Variants in JAZF1 observed in about 807,000 individuals in gnomAD.
JAZF1 encodes juxtaposed with another zinc finger protein 1.
In JAZF1, 8 loss-of-function variants were observed where a neutral mutation model predicts 26.4. The observed-to-expected ratio is 0.30, with a 90% confidence interval of 0.18 to 0.55. The LOEUF (loss-of-function observed/expected upper bound fraction) is 0.55, where lower values mean the gene tolerates loss of function less well. JAZF1 is among the 20% of genes least tolerant of loss of function. JAZF1 has a pLI of 0.94. For synonymous variants in JAZF1, 126 were observed against 122.3 expected (o/e 1.03, Z -0.20); for missense variants, 199 against 322.0 (o/e 0.62, Z 2.92).
Position 28,004,412 on chromosome 7 carries a change from A to C in JAZF1, c.116-12431T>G, listed in dbSNP as rs536553419. ...TCACCTGGGTAACTTAAAAAAAAAAAAAGTCTGATGCCAAGGACCCATCCC... is the reference window on the plus strand; with the variant it reads ...TCACCTGGGTAACTTAAAAAAAAAACAAGTCTGATGCCAAGGACCCATCCC... On this transcript the variant is annotated intron_variant, in intron 1 of 4. Transcript: ENST00000283928. Among the ~76,000 whole-genome samples the C allele has an allele frequency of 2.0e-5, 3 of 152,224 alleles. No individual in the cohort carries two copies. In the South Asian group the frequency reaches 6.2e-4, roughly 32 times the overall value.
rs1316032368 is a variant in JAZF1, at chr7:27,987,136, C to A, written c.188+4773G>T. Among the ~76,000 whole-genome samples, 7 of 151,684 alleles carry A rather than the reference C, an allele frequency of 4.6e-5. No homozygotes were observed. The East Asian group carries it at 1.2e-3, about 26-fold the overall frequency. On this transcript the variant is annotated intron_variant, in intron 2 of 4. Transcript: ENST00000283928. ...CACCCATCGTCTGGGATGTGAGGAGCCCCTCTGCCTGGCCGCCCAGTCTGG... is the reference window on the plus strand; with the variant it reads ...CACCCATCGTCTGGGATGTGAGGAGACCCTCTGCCTGGCCGCCCAGTCTGG...
At chr7:27,893,556 C>T (rs1171620527) in intron 3 of JAZF1, among the ~76,000 whole-genome samples, 1 of 152,186 alleles carries the variant, frequency 6.6e-6, no homozygotes, top group Non-Finnish European at 1.5e-5. Context: ...CATTGCTCCC[C>T]CTTTCCTCTT....
chr7:27,893,459 T>C (rs1204528433), intron 3 of JAZF1, among the ~76,000 whole-genome samples: 2 of 152,200 alleles, frequency 1.3e-5, no homozygotes, highest in African/African-American at 4.8e-5. Context: ...AGTCTCATCT[T>C]ACACTCGGGC....
intron 3 of JAZF1, among the ~76,000 whole-genome samples, chr7:27,856,075 C>T (rs1254142428): frequency 6.6e-6 from 1 of 152,198 alleles, no homozygotes; most frequent in Non-Finnish European, 1.5e-5. Context: ...GGTTCTTGGT[C>T]TCACTGACTT....
At chr7:28,166,536 T>C (rs1397779021) in intron 1 of JAZF1, among the ~76,000 whole-genome samples, 2 of 152,208 alleles carry the variant, frequency 1.3e-5, no homozygotes, top group African/African-American at 4.8e-5. Flanking sequence ...AAACCACACA[T>C]ATAAAATCAT....
chr7:27,979,861 A>G (rs1785547205), intron 2 of JAZF1, among the ~76,000 whole-genome samples: 1 of 152,106 alleles, frequency 6.6e-6, no homozygotes, highest in Non-Finnish European at 1.5e-5. Context: ...CTGTTATGCT[A>G]GGGTTTGCCT....
intron 2 of JAZF1, among the ~76,000 whole-genome samples, chr7:27,917,628 G>C (rs1784462979): frequency 6.6e-6 from 1 of 152,164 alleles, no homozygotes; most frequent in African/African-American, 2.4e-5. Context: ...AGGCAATGGA[G>C]CTCTTCTACA....
chr7:28,035,572 C>A (rs1484808891), intron 1 of JAZF1, among the ~76,000 whole-genome samples: 1 of 152,014 alleles, frequency 6.6e-6, no homozygotes, highest in African/African-American at 2.4e-5. Flanking sequence ...GCCCTTTCTC[C>A]TAATGGATGA....
chr7:27,981,678 GT>G (rs1258135436), intron 2 of JAZF1, among the ~76,000 whole-genome samples: 1 of 152,084 alleles, frequency 6.6e-6, no homozygotes, highest in Non-Finnish European at 1.5e-5. Context: ...GTTTTAATTT[GT>G]TTTTACATTT....
At chr7:28,118,540 T>C (rs973766346) in intron 1 of JAZF1, among the ~76,000 whole-genome samples, 2 of 152,104 alleles carry the variant, frequency 1.3e-5, no homozygotes, top group African/African-American at 4.8e-5. Context: ...GGATCTAACG[T>C]TCCCAATTAT....
intron 1 of JAZF1, among the ~76,000 whole-genome samples, chr7:28,139,839 T>A (rs781653944): frequency 3.3e-5 from 5 of 152,182 alleles, no homozygotes; most frequent in African/African-American, 4.8e-5. Flanking sequence ...GACATCTATA[T>A]CCTGCCCTTA....
intron 1 of JAZF1, among the ~76,000 whole-genome samples, chr7:28,085,741 T>C (rs541300404): frequency 6.7e-4 from 102 of 152,222 alleles, no homozygotes; most frequent in Non-Finnish European, 9.3e-4. Context: ...ATTGACAGAT[T>C]CTAAGTTTGA....
chr7:27,971,387 G>T (rs1232063223), intron 2 of JAZF1, among the ~76,000 whole-genome samples: 1 of 152,184 alleles, frequency 6.6e-6, no homozygotes, highest in Admixed American at 6.5e-5. Flanking sequence ...GAGCCAACGG[G>T]CAAGGTCTTG....
At chr7:28,150,687 G>A (rs371364532) in intron 1 of JAZF1, among the ~76,000 whole-genome samples, 5 of 152,186 alleles carry the variant, frequency 3.3e-5, no homozygotes, top group African/African-American at 9.6e-5. Flanking sequence ...AGCCTCACAC[G>A]GGGGAGACAT....
At chr7:27,929,756 T>C (rs1784656060) in intron 2 of JAZF1, among the ~76,000 whole-genome samples, 1 of 152,136 alleles carries the variant, frequency 6.6e-6, no homozygotes, top group East Asian at 1.9e-4. Context: ...AGCCAAATAA[T>C]AAATGGCAGT....
At chr7:28,089,385 T>G (rs1359745480) in intron 1 of JAZF1, among the ~76,000 whole-genome samples, 3 of 152,234 alleles carry the variant, frequency 2.0e-5, no homozygotes. Flanking sequence ...ATCTTGGACT[T>G]CCCAGCGTTT....
chr7:27,989,435 A>G (rs1215424180), intron 2 of JAZF1, among the ~76,000 whole-genome samples: 3 of 152,244 alleles, frequency 2.0e-5, no homozygotes, highest in Non-Finnish European at 4.4e-5. Flanking sequence ...CAAAAATGGG[A>G]TCTAATTAAA....
intron 1 of JAZF1, among the ~76,000 whole-genome samples, chr7:28,031,946 T>TCTACA (rs1327986656): frequency 6.6e-6 from 1 of 152,152 alleles, no homozygotes; most frequent in Non-Finnish European, 1.5e-5. Flanking sequence ...AGAGACAGGA[T>TCTACA]CTACACTTTG....
At chr7:28,119,840 C>A (rs374542901) in intron 1 of JAZF1, among the ~76,000 whole-genome samples, 2 of 152,196 alleles carry the variant, frequency 1.3e-5, no homozygotes, top group African/African-American at 2.4e-5. Flanking sequence ...CTTGTCTTAA[C>A]CTGTTTTCTC....
Sources: allele counts gnomAD v4.1 joint callset (sites outside exome capture counted in the v4.1 genomes callset), GRCh38; gene constraint gnomAD v4.1.1; transcripts MANE v1.5; gene names NCBI Gene and HGNC (gene_info 2026-07-23, HGNC 2026-07-21).